The following C3orf85 variants were observed in gnomAD, a reference collection of about 807,000 sequenced individuals.
C3orf85 encodes chromosome 3 open reading frame 85.
A neutral mutation model predicts 1.7 loss-of-function variants in C3orf85; 1 was observed. The ratio of observed to expected loss-of-function variants is 0.60; its 90% CI spans 0.21 to 2.86. The LOEUF (loss-of-function observed/expected upper bound fraction) is 2.86, where lower values mean the gene tolerates loss of function less well. Among genes scored for constraint, C3orf85 ranks in the 30% most tolerant of loss-of-function variants. The probability of loss-of-function intolerance (pLI) is 0.22; values close to 1 mark genes in which losing one functional copy is unlikely to be tolerated. For missense variants in C3orf85, 29 were observed against 21.3 expected, an observed-to-expected ratio of 1.36 and a Z score of -0.72; for synonymous variants, 17 against 8.0, an observed-to-expected ratio of 2.13 and a Z score of -1.90.
In C3orf85 at chr3:109,148,403, C is replaced by A. The variant is rs1467974765; in HGVS notation, c.183+17C>A. 1 of 702,398 alleles carries A rather than the reference C, an allele frequency of 1.4e-6. No homozygotes were observed. The highest frequency in any genetic ancestry group is 2.6e-6 in the Non-Finnish European group (1 of 384,566). 43.5% of individuals were successfully genotyped at this position (702,398 alleles called of 1,614,324 possible). A position where few individuals can be genotyped will look rare whatever the true frequency, so the allele number is the denominator to read the frequency against. On this transcript the variant is annotated intron_variant, in intron 3 of 3. Coordinates refer to ENST00000622536, the MANE Select transcript of C3orf85 (RefSeq NM_001351622.2). ...GCTAAGCAGGTATTTGTATTAGAAACAAATGGTCCTTCACCATTTATCTTT... is the reference window on the plus strand; with the variant it reads ...GCTAAGCAGGTATTTGTATTAGAAAAAAATGGTCCTTCACCATTTATCTTT...
At chr3:109,140,210 G>T (rs1706730314) in intron 2 of C3orf85, among the ~76,000 whole-genome samples, 2 of 152,342 alleles carry the variant, frequency 1.3e-5, no homozygotes, top group Admixed American at 6.5e-5. Flanking sequence ...AAATGTTGTT[G>T]TAGGAAAATC....
chr3:109,139,472 A>G (rs1463207938), intron 2 of C3orf85, among the ~76,000 whole-genome samples: 1 of 152,208 alleles, frequency 6.6e-6, no homozygotes. Context: ...ACAGCTTTAT[A>G]TCACATACAA....
chr3:109,140,135 C>T (rs1406780420), intron 2 of C3orf85, among the ~76,000 whole-genome samples: 4 of 151,906 alleles, frequency 2.6e-5, no homozygotes, highest in Non-Finnish European at 5.9e-5. Context: ...GGGCTTATGA[C>T]TGATTGATAC....
At chr3:109,137,641 A>ATATATG (rs1430976786) in intron 2 of C3orf85, among the ~76,000 whole-genome samples, 1 of 76,266 alleles carries the variant, frequency 1.3e-5, no homozygotes, top group East Asian at 3.0e-4. Context: ...GTGTGTGTAT[A>ATATATG]TATATATATA....
At chr3:109,141,970 A>G (rs1460686958) in intron 2 of C3orf85, among the ~76,000 whole-genome samples, 1 of 152,260 alleles carries the variant, frequency 6.6e-6, no homozygotes, top group Non-Finnish European at 1.5e-5. Context: ...CAGAGGTTGC[A>G]GTGAGCCAAG....
chr3:109,140,319 A>G (rs1442153204), intron 2 of C3orf85, among the ~76,000 whole-genome samples: 3 of 152,226 alleles, frequency 2.0e-5, no homozygotes, highest in Non-Finnish European at 2.9e-5. Flanking sequence ...CGGTAAAACA[A>G]CACAGCAAAG....
intron 2 of C3orf85, among the ~76,000 whole-genome samples, chr3:109,141,033 C>CTGGAG (rs1238502556): frequency 1.3e-5 from 2 of 152,176 alleles, no homozygotes; most frequent in Admixed American, 6.5e-5. Context: ...GTCGCTCAGG[C>CTGGAG]TGGAGTGGAG....
chr3:109,141,570 ATCTG>A (rs1036019368), intron 2 of C3orf85, among the ~76,000 whole-genome samples: 2 of 150,536 alleles, frequency 1.3e-5, no homozygotes, highest in African/African-American at 5.0e-5. Context: ...CTCTTCCATT[ATCTG>A]TCTCTCTCTC....
chr3:109,149,103 A>G (rs1156414773), intron 3 of C3orf85: 1 of 152,240 alleles, frequency 6.6e-6, no homozygotes. Flanking sequence ...GAGTATTTCA[A>G]TTATTCATGA....
At chr3:109,146,446 A>G (rs73216701) in intron 2 of C3orf85, 57,729 of 152,110 alleles carry the variant, frequency 0.38, 13,178 homozygotes, top group East Asian at 0.88. Context: ...TTGCAGTTGC[A>G]GGGTCATGAA....
intron 2 of C3orf85, among the ~76,000 whole-genome samples, chr3:109,143,718 T>C (rs1340876983): frequency 5.3e-5 from 8 of 152,184 alleles, no homozygotes; most frequent in Non-Finnish European, 8.8e-5. Flanking sequence ...AAGACCTTAG[T>C]GGTTGTGTAA....
At position 109,148,473 on chromosome 3, in the gene C3orf85, A is replaced by G. The variant is rs780010091; in HGVS notation, c.183+87A>G. On this transcript the variant is annotated intron_variant, in intron 3 of 3. Transcript: ENST00000622536. Reference sequence around the variant, plus strand: ...GCTGACCACTAATTAACACATGACTAGCCTAGCCCTGATTTTTCCTCTCTA... The same window carrying G: ...GCTGACCACTAATTAACACATGACTGGCCTAGCCCTGATTTTTCCTCTCTA... 7.7e-4 allele frequency: 534 copies of G among 694,284 alleles called. 4 individuals are homozygous for G. The highest frequency in any genetic ancestry group is 3.8e-4 in the Admixed American group (19 of 49,590). 43.0% of individuals were successfully genotyped at this position (694,284 alleles called of 1,614,324 possible).
chr3:109,147,668 G>A (rs948266768), intron 2 of C3orf85, among the ~76,000 whole-genome samples: 1 of 152,004 alleles, frequency 6.6e-6, no homozygotes, highest in Non-Finnish European at 1.5e-5. Flanking sequence ...AAAATACAAG[G>A]TGGTTCGATT....
intron 3 of C3orf85, chr3:109,148,726 T>A: frequency 3.8e-6 from 1 of 259,768 alleles, no homozygotes; most frequent in South Asian, 4.9e-5. Flanking sequence ...CCTACCTACC[T>A]AGACTATAAA....
intron 3 of C3orf85, 30 bp from the exon 4 acceptor site, chr3:109,149,775 G>T: frequency 2.5e-6 from 1 of 398,256 alleles, no homozygotes; most frequent in South Asian, 1.3e-4. Flanking sequence ...CACACTCAGA[G>T]ATCATGACTT....
At chr3:109,141,133 T>C (rs1706739851) in intron 2 of C3orf85, among the ~76,000 whole-genome samples, 1 of 152,068 alleles carries the variant, frequency 6.6e-6, no homozygotes, top group Admixed American at 6.6e-5. Context: ...ATTACAGGCA[T>C]GCACAACCAT....
chr3:109,137,666 TATAA>T (rs888112752), intron 2 of C3orf85, among the ~76,000 whole-genome samples: 2 of 142,864 alleles, frequency 1.4e-5, no homozygotes, highest in African/African-American at 5.2e-5. Flanking sequence ...TATATATATA[TATAA>T]AATAAGCCTT....
chr3:109,139,154 C>T (rs1706712456), intron 2 of C3orf85, among the ~76,000 whole-genome samples: 1 of 152,216 alleles, frequency 6.6e-6, no homozygotes, highest in Admixed American at 6.5e-5. Context: ...AAGCTGCATT[C>T]ATGTCCTAAT....
chr3:109,145,545 T>C (rs1034193885), intron 2 of C3orf85, among the ~76,000 whole-genome samples: 3 of 152,160 alleles, frequency 2.0e-5, no homozygotes, highest in African/African-American at 7.2e-5. Context: ...TGGAGATGGA[T>C]AGCGGTGATG....
Sources: gnomAD v4.1 joint callset for allele counts (sites outside exome capture counted in the v4.1 genomes callset) on GRCh38, gnomAD v4.1.1 for gene constraint, MANE v1.5 for transcripts, NCBI Gene and HGNC (gene_info 2026-07-23, HGNC 2026-07-21) for gene names.